The following SEMA3A variants were observed in gnomAD, a reference collection of about 807,000 sequenced individuals.
SEMA3A encodes semaphorin-3A.
A neutral mutation model predicts 97.9 loss-of-function variants in SEMA3A; 29 were observed. The ratio of observed to expected loss-of-function variants is 0.30; its 90% CI spans 0.22 to 0.40. SEMA3A has a LOEUF of 0.40. Among genes scored for constraint, SEMA3A ranks in the 10% least tolerant of loss-of-function variants. The pLI is 1.00. For missense variants in SEMA3A, 763 were observed against 951.3 expected, an observed-to-expected ratio of 0.80 and a Z score of 2.60; for synonymous variants, 321 against 323.7, an observed-to-expected ratio of 0.99 and a Z score of 0.09.
chr7:84,178,501 G>GT (rs5885402), intron 1 of SEMA3A, among the ~76,000 whole-genome samples: 55,460 of 151,582 alleles, frequency 0.37, 10,793 homozygotes, highest in East Asian at 0.6. Context: ...TAAATATTAA[G>GT]TTTAGTGGGT....
intron 1 of SEMA3A, among the ~76,000 whole-genome samples, chr7:84,428,260 G>C (rs560115118): frequency 7.2e-5 from 11 of 151,958 alleles, no homozygotes; most frequent in Non-Finnish European, 1.5e-4. Context: ...TATGCTTGTC[G>C]TATTTGTGTG....
chr7:84,324,969 AAAAG>A (rs1240077601), intron 2 of SEMA3A, among the ~76,000 whole-genome samples: 2 of 152,184 alleles, frequency 1.3e-5, no homozygotes, highest in African/African-American at 4.8e-5. Context: ...CTTACGTTCA[AAAAG>A]AAAGACAAAA....
At chr7:84,370,968 C>T (rs1445280411) in intron 2 of SEMA3A, among the ~76,000 whole-genome samples, 1 of 150,228 alleles carries the variant, frequency 6.7e-6, no homozygotes, top group African/African-American at 2.4e-5. Context: ...AACATATAAC[C>T]ATATAGAACA....
chr7:83,974,845 G>T (rs2116297711), intron 15 of SEMA3A, among the ~76,000 whole-genome samples: 1 of 152,180 alleles, frequency 6.6e-6, no homozygotes, highest in African/African-American at 2.4e-5. Flanking sequence ...GGCTTGCTGG[G>T]CTAGTTTACC....
At chr7:84,147,674 G>C (rs1796503060) in intron 1 of SEMA3A, among the ~76,000 whole-genome samples, 2 of 152,112 alleles carry the variant, frequency 1.3e-5, no homozygotes, top group African/African-American at 2.4e-5. Context: ...ATGAGTAAAT[G>C]AATTACTGAA....
At chr7:84,093,924 T>TAAA in intron 4 of SEMA3A, among the ~76,000 whole-genome samples, 1 of 146,568 alleles carries the variant, frequency 6.8e-6, no homozygotes, top group East Asian at 2.0e-4. Context: ...TCCTAGAACT[T>TAAA]AAAAAAAAAA....
At chr7:84,072,582 G>A (rs576486314) in intron 4 of SEMA3A, among the ~76,000 whole-genome samples, 8 of 152,194 alleles carry the variant, frequency 5.3e-5, no homozygotes, top group Admixed American at 3.3e-4. Flanking sequence ...GCTAATTTAT[G>A]TAAGTCTTTG....
intron 1 of SEMA3A, among the ~76,000 whole-genome samples, chr7:84,160,567 A>C (rs1272304943): frequency 2.6e-5 from 4 of 151,602 alleles, no homozygotes; most frequent in Admixed American, 6.6e-5. Context: ...GAAATAAATA[A>C]AAACAAACAA....
chr7:83,985,747 C>T (rs1345311892), intron 12 of SEMA3A, among the ~76,000 whole-genome samples: 1 of 152,114 alleles, frequency 6.6e-6, no homozygotes, highest in Non-Finnish European at 1.5e-5. Context: ...TAAGGGAAAA[C>T]ATGAGCCTGC....
At chr7:84,084,844 T>C (rs1583938044) in intron 4 of SEMA3A, among the ~76,000 whole-genome samples, 2 of 152,246 alleles carry the variant, frequency 1.3e-5, no homozygotes, top group South Asian at 4.1e-4. Context: ...TAAATGTATG[T>C]TCCCTGATAT....
At chr7:84,051,038 C>T (rs912399525) in intron 5 of SEMA3A, among the ~76,000 whole-genome samples, 40 of 151,796 alleles carry the variant, frequency 2.6e-4, no homozygotes, top group African/African-American at 7.0e-4. Flanking sequence ...GGCATTATTT[C>T]GGAGGGCTCT....
chr7:84,178,518 G>T (rs918347306), intron 1 of SEMA3A, among the ~76,000 whole-genome samples: 2 of 151,896 alleles, frequency 1.3e-5, no homozygotes, highest in Non-Finnish European at 2.9e-5. Flanking sequence ...GGGTTATATT[G>T]TCCAAGGTCA....
chr7:84,260,302 A>G (rs544598184), intron 3 of SEMA3A, among the ~76,000 whole-genome samples: 1 of 152,308 alleles, frequency 6.6e-6, no homozygotes, highest in Admixed American at 6.5e-5. Flanking sequence ...GCGACAACCC[A>G]TCTGGAGCTG....
In SEMA3A at chr7:84,005,352, C is replaced by T. The variant is rs1313171036; in HGVS notation, c.1347G>A (p.Met449Ile). Residue 449 changes from methionine to isoleucine, a missense_variant, in exon 11 of 17, where the codon ATG (methionine) becomes ATA (isoleucine). By Grantham distance (10) the Met-to-Ile change is conservative. This residue lies in a region of SEMA3A where 678 missense variants were observed against 881.3 expected (regional missense o/e 0.77). Coordinates refer to ENST00000265362, the MANE Select transcript of SEMA3A (RefSeq NM_006080.3). Reference protein sequence around the residue: ...VDAEDGQYDVMFIGTDVGTVL... With the variant: ...VDAEDGQYDVIFIGTDVGTVL... ...TTAAAAATTTACCTGTTCCGATAAA[C>T]ATAACATCATACTGTCCATCTTCTG... 1 of 1,612,308 alleles carries T rather than the reference C, an allele frequency of 6.2e-7. No homozygotes were observed. Among genetic ancestry groups the T allele is most frequent in the Admixed American group, 1.7e-5 (1 of 60,000 alleles).
intron 3 of SEMA3A, among the ~76,000 whole-genome samples, chr7:84,301,109 T>A (rs914131048): frequency 6.6e-6 from 1 of 151,992 alleles, no homozygotes; most frequent in Non-Finnish European, 1.5e-5. Flanking sequence ...CAAAAACAGA[T>A]TATAAACTTT....
chr7:83,977,232 CT>C, intron 14 of SEMA3A, 36 bp from the exon 15 acceptor site: 2 of 1,245,038 alleles, frequency 1.6e-6, no homozygotes, highest in South Asian at 1.6e-5. Flanking sequence ...TTATTGTATC[CT>C]TATTTTTCCC....
chr7:84,376,817 A>C lies in SEMA3A; in HGVS notation c.-245-4917T>G, dbSNP rs183462270. The stretch of plus-strand genomic sequence containing the variant: ...GTCTTCTTTTGAGAAATGTCAATTC[A>C]GATTATTTGCATATTTTTAATCAGA... On this transcript the variant is annotated intron_variant, in intron 1 of 3. Coordinates refer to the SEMA3A transcript ENST00000424555. 1.3e-3 allele frequency among the ~76,000 whole-genome samples: 202 copies of C among 152,014 alleles called. 1 individual carries two copies. The highest frequency in any genetic ancestry group is 2.1e-3 in the South Asian group (10 of 4,816).
intron 3 of SEMA3A, among the ~76,000 whole-genome samples, chr7:84,303,360 T>A (rs56381202): frequency 0.068 from 10,253 of 151,890 alleles, 490 homozygotes; most frequent in Middle Eastern, 0.078. Context: ...TCTCTTTTTT[T>A]AAAAAAAATG....
chr7:83,974,558 G>A (rs1038736252), intron 15 of SEMA3A, among the ~76,000 whole-genome samples: 7 of 152,068 alleles, frequency 4.6e-5, no homozygotes, highest in African/African-American at 1.4e-4. Flanking sequence ...TATTCAATGT[G>A]AGAATTAATA....
Sources: gnomAD v4.1 joint callset for allele counts (sites outside exome capture counted in the v4.1 genomes callset) on GRCh38, gnomAD v4.1.1 for gene constraint, gnomAD v4.1.1 regional missense constraint, MANE v1.5 for transcripts, NCBI Gene and HGNC (gene_info 2026-07-23, HGNC 2026-07-21) for gene names.